Variants in VPS53 observed in about 807,000 individuals in gnomAD.
The protein encoded by VPS53 is vacuolar protein sorting-associated protein 53 homolog.
VPS53 carries 70 observed loss-of-function variants against 107.0 expected under a neutral mutation model. The ratio of observed to expected loss-of-function variants is 0.65; its 90% CI spans 0.54 to 0.80. The LOEUF (loss-of-function observed/expected upper bound fraction) is 0.80, where lower values mean the gene tolerates loss of function less well. VPS53 is among the 30% of genes least tolerant of loss of function. The probability of loss-of-function intolerance (pLI) is 0.00; values close to 1 mark genes in which losing one functional copy is unlikely to be tolerated. For synonymous variants in VPS53, 409 were observed against 393.3 expected (o/e 1.04, Z -0.47); for missense variants, 917 against 1,049.4 (o/e 0.87, Z 1.74).
chr17:657,363 T>G, intron 5 of VPS53: 1 of 775,406 alleles, frequency 1.3e-6, no homozygotes, highest in Admixed American at 1.8e-5. Flanking sequence ...GCCATCGATC[T>G]TAATGAACCG....
At chr17:682,984 T>C (rs1038848302) in intron 4 of VPS53, among the ~76,000 whole-genome samples, 2 of 151,712 alleles carry the variant, frequency 1.3e-5, no homozygotes, top group African/African-American at 4.9e-5. Context: ...AAGAGTCAAA[T>C]GGAAATGCTA....
Position 519,141 on chromosome 17 carries a change from T to C in VPS53, c.2486A>G (p.Lys829Arg). 1 of 1,527,888 alleles carries C rather than the reference T, an allele frequency of 6.5e-7. No individual in the cohort carries two copies. Among genetic ancestry groups the C allele is most frequent in the Non-Finnish European group, 8.8e-7 (1 of 1,137,048 alleles). 94.6% of individuals were successfully genotyped at this position (1,527,888 alleles called of 1,614,324 possible). ...CCCTTGCTGCTGCTACAGTCTCTTT[T>C]TAATGAGTTTCTCGAGCTTGCGGAT... ...SRIRKLEKLI[K>R]KRL Residue 829 changes from lysine to arginine, a missense_variant, in exon 22 of 22, where the codon AAA becomes AGA. By Grantham distance (26) the Lys-to-Arg change is conservative. Coordinates refer to ENST00000437048, the MANE Select transcript of VPS53 (RefSeq NM_001128159.3). The surrounding 1 kb of genome is among the most constrained non-coding windows in gnomAD (Gnocchi z 5.0).
chr17:624,515 T>C (rs947841102), intron 10 of VPS53, among the ~76,000 whole-genome samples: 1 of 152,198 alleles, frequency 6.6e-6, no homozygotes, highest in Non-Finnish European at 1.5e-5. Flanking sequence ...TAAGCTACCA[T>C]CTTCTCACAC....
chr17:609,355 T>C (rs1482118147), intron 11 of VPS53, among the ~76,000 whole-genome samples: 1 of 152,226 alleles, frequency 6.6e-6, no homozygotes, highest in African/African-American at 2.4e-5. Context: ...TGAATAATAT[T>C]CCACTGTACG....
rs563165599 is a variant in VPS53, at chr17:509,731, A to G, written c.*9397T>C. On this transcript the variant is annotated 3_prime_UTR_variant, in exon 22 of 22. Transcript: ENST00000437048. ...CTGGTCACGTATTGAATCCTGGCTCACCCCTCACTTGTCACGTATTGAATC... is the reference window on the plus strand; with the variant it reads ...CTGGTCACGTATTGAATCCTGGCTCGCCCCTCACTTGTCACGTATTGAATC... 8.4e-3 allele frequency: 994 copies of G among 117,668 alleles called. 22 individuals are homozygous for G. Among genetic ancestry groups the G allele is most frequent in the African/African-American group, 0.031 (860 of 27,458 alleles). 7.3% of individuals were successfully genotyped at this position (117,668 alleles called of 1,614,324 possible).
Position 509,214 on chromosome 17 carries a change from A to C in VPS53, c.*9914T>G, listed in dbSNP as rs1907779320. ...CCTGCCTCACCCCCTTACTAGTCACATATCAAATCCTGGCTCACTCGTCAC... is the reference window on the plus strand; with the variant it reads ...CCTGCCTCACCCCCTTACTAGTCACCTATCAAATCCTGGCTCACTCGTCAC... On this transcript the variant is annotated 3_prime_UTR_variant, in exon 22 of 22. Coordinates refer to ENST00000437048, the MANE Select transcript of VPS53 (RefSeq NM_001128159.3). 1 of 151,148 alleles carries C rather than the reference A, an allele frequency of 6.6e-6. No homozygotes were observed. The highest frequency in any genetic ancestry group is 1.5e-5 in the Non-Finnish European group (1 of 68,526). The allele number at this position is 151,148 out of a possible 1,614,324, so 9.4% of individuals were successfully genotyped here. A position where few individuals can be genotyped will look rare whatever the true frequency, so the allele number is the denominator to read the frequency against.
At chr17:572,381 G>A (rs182099644) in intron 13 of VPS53, among the ~76,000 whole-genome samples, 1,628 of 133,148 alleles carry the variant, frequency 0.012, 28 homozygotes, top group African/African-American at 0.04. Context: ...GAGCGTCTCC[G>A]CCGGGCAGCC....
At chr17:522,538 C>A (rs1368559689) in intron 19 of VPS53, among the ~76,000 whole-genome samples, 1 of 152,200 alleles carries the variant, frequency 6.6e-6, no homozygotes. Flanking sequence ...GGAATGGACC[C>A]ATTTACACCT....
At chr17:536,916 G>A (rs376387146) in intron 18 of VPS53, 112 bp downstream of exon 18, 41 of 1,384,368 alleles carry the variant, frequency 3.0e-5, no homozygotes, top group East Asian at 1.5e-4. Context: ...TCAGGTACAC[G>A]GGAAATCTCT....
chr17:545,579 A>AAAG (rs1911116254), intron 17 of VPS53, among the ~76,000 whole-genome samples: 2 of 152,112 alleles, frequency 1.3e-5, no homozygotes, highest in Non-Finnish European at 2.9e-5. Flanking sequence ...TCTATGTCTC[A>AAAG]CTTGTTTACC....
intron 17 of VPS53, chr17:537,715 G>A (rs1286490341): frequency 6.5e-6 from 1 of 152,730 alleles, no homozygotes; most frequent in Non-Finnish European, 1.5e-5. Flanking sequence ...AAAATAATAT[G>A]AAGTTACCGG....
intron 4 of VPS53, among the ~76,000 whole-genome samples, chr17:664,834 G>A (rs900023215): frequency 6.6e-6 from 1 of 152,192 alleles, no homozygotes; most frequent in African/African-American, 2.4e-5. Flanking sequence ...CTGATGGACT[G>A]TGTGTGGGTG....
At position 611,096 on chromosome 17, in the gene VPS53, C is replaced by G. The variant is rs578054915; in HGVS notation, c.1117-9200G>C. On this transcript the variant is annotated intron_variant, in intron 11 of 21. Transcript: ENST00000437048. ...TGGCGCAATCTCAGCTCACTGAAAC[C>G]TCCACCTCCTGGGTTCAAGCGATTC... 9.5e-4 allele frequency among the ~76,000 whole-genome samples: 144 copies of G among 152,170 alleles called. 2 individuals are homozygous for G. Among genetic ancestry groups the G allele is most frequent in the African/African-American group, 3.4e-3 (141 of 41,512 alleles).
chr17:642,688 C>G (rs1158509129), intron 7 of VPS53, among the ~76,000 whole-genome samples: 97 of 130,694 alleles, frequency 7.4e-4, no homozygotes, highest in Middle Eastern at 5.2e-3. Context: ...TACTTGGCAA[C>G]CGAGGACAAC....
chr17:560,449 A>T lies in VPS53; in HGVS notation c.1681T>A (p.Tyr561Asn). 6.2e-7 allele frequency: 1 copy of T among 1,612,346 alleles called. No individual in the cohort carries two copies. Among genetic ancestry groups the T allele is most frequent in the South Asian group, 1.1e-5 (1 of 90,962 alleles). The change falls in exon 15 of 22, where the codon TAC becomes AAC. Residue 561 changes from tyrosine (Y) to asparagine (N), a missense_variant. Tyr to Asn is a moderately radical substitution (Grantham distance 143, BLOSUM62 -2). Transcript: ENST00000437048. ...LICNILSTAE[Y>N]CLATTQQLEE... ...ACCTGCTGGGTGGTGGCCAGACAGTACTCTGCCGTGCTCAGGATGTTACAG... is the reference window on the plus strand; with the variant it reads ...ACCTGCTGGGTGGTGGCCAGACAGTTCTCTGCCGTGCTCAGGATGTTACAG...
At chr17:625,714 T>C (rs1311310540) in intron 10 of VPS53, among the ~76,000 whole-genome samples, 1 of 152,186 alleles carries the variant, frequency 6.6e-6, no homozygotes, top group Non-Finnish European at 1.5e-5. Context: ...AAAACTGCTC[T>C]AAAAGGTAAA....
chr17:619,329 GC>G (rs1969341885), intron 11 of VPS53, among the ~76,000 whole-genome samples: 1 of 94,860 alleles, frequency 1.1e-5, no homozygotes, highest in Non-Finnish European at 2.2e-5. Flanking sequence ...GCACCACCAC[GC>G]CCCGCTAATA....
chr17:658,386 TG>T (rs1462231492), intron 5 of VPS53, among the ~76,000 whole-genome samples: 1 of 144,298 alleles, frequency 6.9e-6, no homozygotes, highest in African/African-American at 2.6e-5. Context: ...CGTGAGTTCG[TG>T]GATAGATACA....
chr17:642,666 G>A (rs1211604439), intron 7 of VPS53, among the ~76,000 whole-genome samples: 7 of 150,776 alleles, frequency 4.6e-5, no homozygotes, highest in Non-Finnish European at 1.0e-4. Context: ...TGGAAAGCGA[G>A]GACAACACTC....
Sources: allele counts gnomAD v4.1 joint callset (sites outside exome capture counted in the v4.1 genomes callset), GRCh38; gene constraint gnomAD v4.1.1; non-coding constraint Gnocchi (gnomAD v3.1); transcripts MANE v1.5; gene names NCBI Gene and HGNC (gene_info 2026-07-23, HGNC 2026-07-21).